The following GRIA1 variants were observed in gnomAD, a reference collection of about 807,000 sequenced individuals.
GRIA1 encodes the protein glutamate receptor 1.
GRIA1 carries 31 observed loss-of-function variants against 99.2 expected under a neutral mutation model. That is an observed-to-expected ratio of 0.31 (90% CI 0.23 to 0.42). The LOEUF (loss-of-function observed/expected upper bound fraction) is 0.42. Among genes scored for constraint, GRIA1 ranks in the 10% least tolerant of loss-of-function variants. The pLI, the probability that GRIA1 is intolerant of heterozygous loss-of-function variation, is 1.00. For missense variants in GRIA1, 782 were observed against 1,157.5 expected (o/e 0.68, Z 4.71); for synonymous variants, 438 against 432.4 (o/e 1.01, Z -0.16).
chr5:153,514,543 G>T (rs1173606760), intron 2 of GRIA1, among the ~76,000 whole-genome samples: 1 of 152,066 alleles, frequency 6.6e-6, no homozygotes, highest in African/African-American at 2.4e-5. Flanking sequence ...TATTCCATTG[G>T]TCTACATATC....
At position 153,731,717 on chromosome 5, in the gene GRIA1, G is replaced by A. The variant is rs111761816; in HGVS notation, c.1823+25650G>A. Reference sequence around the variant, plus strand: ...CATAATCAAGCTAATTAACATTTCCGTCATTTTACATAGTTATCCTGTAGT... The same window carrying A: ...CATAATCAAGCTAATTAACATTTCCATCATTTTACATAGTTATCCTGTAGT... On this transcript the variant is annotated intron_variant, in intron 11 of 15. Coordinates refer to ENST00000285900, the MANE Select transcript of GRIA1 (RefSeq NM_000827.4). Among the ~76,000 whole-genome samples the A allele has an allele frequency of 6.8e-3, 1,029 of 152,110 alleles. 12 individuals carry two copies. Among genetic ancestry groups the A allele is most frequent in the African/African-American group, 0.023 (953 of 41,504 alleles).
At chr5:153,602,016 A>C (rs1322687115) in intron 2 of GRIA1, among the ~76,000 whole-genome samples, 1 of 152,174 alleles carries the variant, frequency 6.6e-6, no homozygotes, top group Non-Finnish European at 1.5e-5. Flanking sequence ...GTTAAGACTT[A>C]TTTTGAAAAG....
intron 2 of GRIA1, among the ~76,000 whole-genome samples, chr5:153,641,847 G>T (rs1297255927): frequency 1.3e-5 from 2 of 152,186 alleles, no homozygotes; most frequent in Non-Finnish European, 2.9e-5. Context: ...ATAGCATGTA[G>T]ACTGAATTGC....
At chr5:153,649,968 T>C (rs1322825680) in intron 3 of GRIA1, among the ~76,000 whole-genome samples, 1 of 152,242 alleles carries the variant, frequency 6.6e-6, no homozygotes, top group Non-Finnish European at 1.5e-5. Flanking sequence ...GGCTCTGCTA[T>C]GTATCAAACA....
intron 13 of GRIA1, among the ~76,000 whole-genome samples, chr5:153,777,017 C>CT (rs1764299946): frequency 6.6e-6 from 1 of 152,162 alleles, no homozygotes; most frequent in South Asian, 2.1e-4. Flanking sequence ...TAAGCAAGTG[C>CT]TTTTTTGTGT....
intron 11 of GRIA1, among the ~76,000 whole-genome samples, chr5:153,723,283 C>A (rs138195728): frequency 6.6e-6 from 1 of 152,194 alleles, no homozygotes; most frequent in Non-Finnish European, 1.5e-5. Flanking sequence ...TGAATAGGAA[C>A]AGCTCCGGTC....
intron 11 of GRIA1, among the ~76,000 whole-genome samples, chr5:153,729,500 G>T (rs1038595774): frequency 8.5e-5 from 13 of 152,088 alleles, no homozygotes; most frequent in Non-Finnish European, 1.8e-4. Context: ...TAAAGAGTGT[G>T]TTGGGGCAGT....
At chr5:153,694,337 A>T (rs1425179596) in intron 8 of GRIA1, among the ~76,000 whole-genome samples, 2 of 152,184 alleles carry the variant, frequency 1.3e-5, no homozygotes, top group Non-Finnish European at 2.9e-5. Flanking sequence ...CATACCCTGA[A>T]CATTCTATAC....
intron 2 of GRIA1, among the ~76,000 whole-genome samples, chr5:153,586,892 T>G (rs760442794): frequency 6.6e-6 from 1 of 152,238 alleles, no homozygotes; most frequent in Non-Finnish European, 1.5e-5. Flanking sequence ...AGAAAACTGA[T>G]AGTCCACTTG....
chr5:153,745,504 G>T (rs572184205), intron 11 of GRIA1, among the ~76,000 whole-genome samples: 3 of 148,338 alleles, frequency 2.0e-5, no homozygotes, highest in Non-Finnish European at 4.4e-5. Context: ...CAGGAGAATT[G>T]CTTGAACCCA....
chr5:153,513,646 T>C (rs1447924347), intron 2 of GRIA1, among the ~76,000 whole-genome samples: 1 of 147,638 alleles, frequency 6.8e-6, no homozygotes, highest in Non-Finnish European at 1.5e-5. Flanking sequence ...CTGTTCTTTG[T>C]TTCAGTTTCC....
At chr5:153,566,744 T>C (rs1233475829) in intron 2 of GRIA1, among the ~76,000 whole-genome samples, 2 of 135,508 alleles carry the variant, frequency 1.5e-5, no homozygotes, top group African/African-American at 5.2e-5. Context: ...GAGACGGAGT[T>C]TTGCTCTTGT....
At chr5:153,784,500 A>G (rs550877875) in intron 13 of GRIA1, among the ~76,000 whole-genome samples, 1 of 152,302 alleles carries the variant, frequency 6.6e-6, no homozygotes, top group South Asian at 2.1e-4. Context: ...ATTTCTTCTC[A>G]TAAGATCGCA....
intron 2 of GRIA1, among the ~76,000 whole-genome samples, chr5:153,613,584 T>TC (rs1475184262): frequency 6.6e-6 from 1 of 152,130 alleles, no homozygotes; most frequent in Non-Finnish European, 1.5e-5. Flanking sequence ...CTTCTTTTTT[T>TC]CCCTCTCTTC....
chr5:153,745,541 T>G, intron 11 of GRIA1, among the ~76,000 whole-genome samples: 1 of 144,332 alleles, frequency 6.9e-6, no homozygotes, highest in Admixed American at 7.0e-5. Context: ...GTGAGCCGAG[T>G]TCACGCCACT....
intron 15 of GRIA1, among the ~76,000 whole-genome samples, chr5:153,805,525 A>G (rs1336154374): frequency 6.6e-6 from 1 of 152,170 alleles, no homozygotes; most frequent in South Asian, 2.1e-4. Flanking sequence ...TTTTGGCCCC[A>G]TGTTTGTGCT....
chr5:153,765,963 G>A (rs1224983019), intron 12 of GRIA1, among the ~76,000 whole-genome samples: 3 of 152,184 alleles, frequency 2.0e-5, no homozygotes, highest in Non-Finnish European at 4.4e-5. Flanking sequence ...TATTGCCTCA[G>A]GCAAAAGAGA....
intron 11 of GRIA1, among the ~76,000 whole-genome samples, chr5:153,746,546 G>T (rs1425185452): frequency 6.6e-6 from 1 of 152,124 alleles, no homozygotes; most frequent in Non-Finnish European, 1.5e-5. Flanking sequence ...AGATATGTTT[G>T]GCCACAGATG....
intron 2 of GRIA1, among the ~76,000 whole-genome samples, chr5:153,639,793 G>A (rs1753660653): frequency 6.6e-6 from 1 of 152,188 alleles, no homozygotes; most frequent in Non-Finnish European, 1.5e-5. Flanking sequence ...TGTTGGATGG[G>A]TGAATGATTA....
Sources: gnomAD v4.1 joint callset for allele counts (sites outside exome capture counted in the v4.1 genomes callset) on GRCh38, gnomAD v4.1.1 for gene constraint, MANE v1.5 for transcripts, NCBI Gene and HGNC (gene_info 2026-07-23, HGNC 2026-07-21) for gene names.